The following ARID1B variants were observed in gnomAD, a reference collection of about 807,000 sequenced individuals.
ARID1B encodes AT-rich interactive domain-containing protein 1B.
In ARID1B, 30 loss-of-function variants were observed where a neutral mutation model predicts 212.3. That is an observed-to-expected ratio of 0.14 (90% CI 0.11 to 0.19). The LOEUF is 0.19. ARID1B is among the 10% of genes least tolerant of loss of function. ARID1B has a pLI of 1.00. For synonymous variants in ARID1B, 1,402 were observed against 1,301.7 expected (o/e 1.08, Z -1.66); for missense variants, 2,891 against 3,204.0 (o/e 0.90, Z 2.36).
In ARID1B at chr6:156,901,383, C is replaced by T. The variant is rs148382861; in HGVS notation, c.1994C>T (p.Pro665Leu). ...GMQYPQQQMPPQYGQQGVSGY... is the reference protein window; with the variant it reads ...GMQYPQQQMPLQYGQQGVSGY... ...TGCTTGACTTTTTGACAGATGCCAC[C>T]TCAGTATGGACAGCAAGGTGTGAGT... The change falls in exon 3 of 20, where the codon CCT becomes CTT. Residue 665 changes from proline to leucine, a missense_variant. Transcript: ENST00000636930. 13 of 1,614,026 alleles carry T rather than the reference C, an allele frequency of 8.1e-6. No homozygotes were observed. The highest frequency in any genetic ancestry group is 1.7e-5 in the Admixed American group (1 of 60,004).
chr6:156,873,112 C>T lies in ARID1B; in HGVS notation c.1987-28264C>T, dbSNP rs1786279627. On this transcript the variant is annotated intron_variant, in intron 2 of 19. Coordinates refer to ENST00000636930, the MANE Select transcript of ARID1B (RefSeq NM_001374828.1). ...CTACAAGCACGCCAGCAGCCCCGTG[C>T]ATGGCTTCTCATGTCTGCTCCTGGC... Among the ~76,000 whole-genome samples the T allele has an allele frequency of 2.6e-5, 4 of 152,204 alleles. No homozygotes were observed. The South Asian group carries it at 8.3e-4, about 32-fold the overall frequency.
At chr6:156,953,012 A>G (rs1793700338) in intron 4 of ARID1B, among the ~76,000 whole-genome samples, 1 of 152,182 alleles carries the variant, frequency 6.6e-6, no homozygotes, top group Admixed American at 6.5e-5. Flanking sequence ...GGCATTCTCA[A>G]CCTCAACTCT....
intron 4 of ARID1B, among the ~76,000 whole-genome samples, chr6:157,056,343 T>C (rs1356391778): frequency 6.6e-6 from 1 of 152,114 alleles, no homozygotes; most frequent in Admixed American, 6.5e-5. Flanking sequence ...TTTGGAAAAA[T>C]GAGAGTGGGA....
chr6:156,881,624 G>A (rs1787104304), intron 2 of ARID1B, among the ~76,000 whole-genome samples: 2 of 152,168 alleles, frequency 1.3e-5, no homozygotes, highest in African/African-American at 4.8e-5. Context: ...CCTGTGGTTG[G>A]AATTTTAGTC....
intron 6 of ARID1B, among the ~76,000 whole-genome samples, chr6:157,121,822 G>A (rs1207407678): frequency 6.6e-6 from 1 of 152,084 alleles, no homozygotes; most frequent in Non-Finnish European, 1.5e-5. Context: ...AGTAAAGACA[G>A]TGTTTCACCA....
At chr6:157,205,159 C>T (rs1168409073) in intron 19 of ARID1B, 2 of 152,210 alleles carry the variant, frequency 1.3e-5, no homozygotes, top group East Asian at 1.9e-4. Context: ...GGGAAAATGC[C>T]CTTGGAACAT....
At chr6:156,945,060 C>T (rs1338419542) in intron 4 of ARID1B, among the ~76,000 whole-genome samples, 2 of 149,542 alleles carry the variant, frequency 1.3e-5, no homozygotes, top group Non-Finnish European at 3.0e-5. Context: ...GTAGCTGGGA[C>T]TACAGGCACT....
intron 2 of ARID1B, among the ~76,000 whole-genome samples, chr6:156,897,221 T>TGCTGCTGCTGCTGCTG (rs1562468311): frequency 1.1e-3 from 86 of 78,776 alleles, no homozygotes; most frequent in African/African-American, 3.6e-3. Flanking sequence ...TGCTGCTGCT[T>TGCTGCTGCTGCTGCTG]CTTCTTCTTC....
chr6:156,940,536 C>T (rs1196382354), intron 4 of ARID1B: 1 of 152,136 alleles, frequency 6.6e-6, no homozygotes, highest in Non-Finnish European at 1.5e-5. Context: ...ATATTGGAAG[C>T]CTGAAAGAGA....
intron 3 of ARID1B, 37 bp downstream of exon 3, chr6:156,901,562 C>T: frequency 6.3e-7 from 1 of 1,595,050 alleles, no homozygotes. Context: ...GCCCTGTTTT[C>T]TCCACCAAGG....
At position 156,845,519 on chromosome 6, in the gene ARID1B, A is replaced by G. The variant is rs190440612; in HGVS notation, c.1986+16098A>G. On this transcript the variant is annotated intron_variant, in intron 2 of 19. Transcript: ENST00000636930. ...GTGGATTGGCTGAGTGTAGAATTCT[A>G]GATTGGATATAATTTTCCCTCAAAA... 3.7e-4 allele frequency among the ~76,000 whole-genome samples: 56 copies of G among 152,156 alleles called. 1 individual carries two copies. Among genetic ancestry groups the G allele is most frequent in the Non-Finnish European group, 7.4e-5 (5 of 67,992 alleles).
intron 1 of ARID1B, among the ~76,000 whole-genome samples, chr6:156,806,348 G>C (rs1357062334): frequency 6.6e-6 from 1 of 152,244 alleles, no homozygotes; most frequent in Admixed American, 6.5e-5. Context: ...TTGAAGAACA[G>C]GTTCTACCTC....
rs148433217 is a variant in ARID1B at position 157,110,585 on chromosome 6, C to G, written c.2581+24C>G. 78 of 1,609,714 alleles carry G rather than the reference C, an allele frequency of 4.8e-5. 1 individual carries two copies. In the East Asian group the frequency reaches 1.7e-3, roughly 36 times the overall value. On this transcript the variant is annotated intron_variant, in intron 6 of 19. Transcript: ENST00000636930. Reference sequence around the variant, plus strand: ...AGGTTCGTCTCCAGTTCATGTCTTACATGCCTATAGTGCTTTCAGGCGATA... The same window carrying G: ...AGGTTCGTCTCCAGTTCATGTCTTAGATGCCTATAGTGCTTTCAGGCGATA...
At chr6:157,021,660 G>T (rs1190731771) in intron 4 of ARID1B, among the ~76,000 whole-genome samples, 3 of 152,192 alleles carry the variant, frequency 2.0e-5, no homozygotes, top group Non-Finnish European at 4.4e-5. Flanking sequence ...CCCGCGGAAG[G>T]AGGCGCCGGC....
chr6:157,087,161 C>CT (rs1214701858), intron 5 of ARID1B, among the ~76,000 whole-genome samples: 4 of 151,988 alleles, frequency 2.6e-5, no homozygotes, highest in East Asian at 1.9e-4. Context: ...AAAGCTCCAC[C>CT]TTTTTTTTGG....
At chr6:156,965,126 T>C (rs1485890027) in intron 4 of ARID1B, among the ~76,000 whole-genome samples, 1 of 152,238 alleles carries the variant, frequency 6.6e-6, no homozygotes, top group African/African-American at 2.4e-5. Flanking sequence ...TTTAGTTATT[T>C]CCTCTACTTT....
intron 2 of ARID1B, among the ~76,000 whole-genome samples, chr6:156,847,310 AGGG>A (rs1220363309): frequency 4.1e-4 from 62 of 152,372 alleles, no homozygotes; most frequent in Non-Finnish European, 7.5e-4. Context: ...CGTCTCTGGC[AGGG>A]AACCTGGTCT....
rs559119172 is a variant in ARID1B, at chr6:156,973,529, A to G, written c.2247+37953A>G. Among the ~76,000 whole-genome samples, 14 of 152,350 alleles carry G rather than the reference A, an allele frequency of 9.2e-5. No individual in the cohort carries two copies. In the South Asian group the frequency reaches 2.7e-3, roughly 29 times the overall value. ...GCATGTCTTTTACTGCTATGCAATG[A>G]AAAACATTTTTGGTTATTGGTTTAA... On this transcript the variant is annotated intron_variant, in intron 4 of 19. Coordinates refer to ENST00000636930, the MANE Select transcript of ARID1B (RefSeq NM_001374828.1).
chr6:156,812,934 GT>G lies in ARID1B; in HGVS notation c.1792-16292del, dbSNP rs1469703621. Among the ~76,000 whole-genome samples the G allele has an allele frequency of 9.9e-3, 368 of 37,220 alleles. 3 individuals are homozygous for G. Among genetic ancestry groups the G allele is most frequent in the African/African-American group, 0.06 (328 of 5,512 alleles). The allele number at this position is 37,220 out of a possible 152,430, so 24.4% of individuals were successfully genotyped here. ...TCCAAATAGAAAATTATAATCCTGG[GT>G]GTGTGTGTGTGTGTGTGTGTGTGTG... On this transcript the variant is annotated intron_variant, in intron 1 of 19. Transcript: ENST00000636930.
Sources: allele counts gnomAD v4.1 joint callset (sites outside exome capture counted in the v4.1 genomes callset), GRCh38; gene constraint gnomAD v4.1.1; transcripts MANE v1.5; gene names NCBI Gene and HGNC (gene_info 2026-07-23, HGNC 2026-07-21).